The following PCDH9 variants were observed in gnomAD, a reference collection of about 807,000 sequenced individuals.
PCDH9 encodes protocadherin-9.
PCDH9 carries 24 observed loss-of-function variants against 70.6 expected under a neutral mutation model. The ratio of observed to expected loss-of-function variants is 0.34; its 90% CI spans 0.25 to 0.48. The LOEUF (loss-of-function observed/expected upper bound fraction) is 0.48. Ranked by LOEUF, PCDH9 falls within the 20% of genes least tolerant of loss-of-function variation. The pLI is 0.99. For missense variants in PCDH9, 1,281 were observed against 1,503.6 expected (o/e 0.85, Z 2.45); for synonymous variants, 562 against 558.5 (o/e 1.01, Z -0.09).
chr13:66,698,910 T>G (rs1206099652), intron 3 of PCDH9, among the ~76,000 whole-genome samples: 1 of 124,134 alleles, frequency 8.1e-6, no homozygotes, highest in East Asian at 2.8e-4. Context: ...TTTTTTTTTT[T>G]TTTTTTTGTT....
chr13:66,700,923 AATAT>A (rs58852431), intron 3 of PCDH9, among the ~76,000 whole-genome samples: 2,251 of 58,144 alleles, frequency 0.039, 44 homozygotes, highest in Non-Finnish European at 0.042. Context: ...TGTACATATA[AATAT>A]ATATATATAT....
chr13:67,018,494 C>T (rs2084607729), intron 2 of PCDH9, among the ~76,000 whole-genome samples: 1 of 151,790 alleles, frequency 6.6e-6, no homozygotes, highest in Admixed American at 6.6e-5. Context: ...TGGCGTCTGC[C>T]TGTAGTCCCA....
intron 3 of PCDH9, among the ~76,000 whole-genome samples, chr13:66,641,218 C>T (rs2077704417): frequency 6.6e-6 from 1 of 152,110 alleles, no homozygotes; most frequent in African/African-American, 2.4e-5. Flanking sequence ...AGCCATCAGT[C>T]ACATCTTTTT....
chr13:67,230,049 C>A lies in PCDH9; in HGVS notation c.-405G>T, dbSNP rs554107464. On this transcript the variant is annotated 5_prime_UTR_variant, in exon 1 of 5. Transcript: ENST00000377865. Reference sequence around the variant, plus strand: ...TCTTCTGGGCATTTAGCACACACAACACATAGTTGCACTTCTTCAGCTCAG... The same window carrying A: ...TCTTCTGGGCATTTAGCACACACAAAACATAGTTGCACTTCTTCAGCTCAG... 6.6e-5 allele frequency: 10 copies of A among 152,450 alleles called. No homozygotes were observed. Among genetic ancestry groups the A allele is most frequent in the African/African-American group, 2.4e-4 (10 of 41,576 alleles). 9.4% of individuals were successfully genotyped at this position (152,450 alleles called of 1,614,324 possible).
chr13:66,421,101 G>A (rs900861739), intron 4 of PCDH9, among the ~76,000 whole-genome samples: 1 of 151,414 alleles, frequency 6.6e-6, no homozygotes, highest in Admixed American at 6.6e-5. Flanking sequence ...TTAACTTAAT[G>A]AAATAAAGTG....
chr13:67,144,532 T>C (rs574882919), intron 2 of PCDH9, among the ~76,000 whole-genome samples: 1 of 152,274 alleles, frequency 6.6e-6, no homozygotes, highest in Non-Finnish European at 1.5e-5. Context: ...AACAAGTACA[T>C]GAATTAAATG....
intron 2 of PCDH9, among the ~76,000 whole-genome samples, chr13:67,152,082 A>T (rs1033438965): frequency 2.0e-5 from 3 of 152,220 alleles, no homozygotes; most frequent in Admixed American, 6.5e-5. Context: ...TAGCTGAAGA[A>T]CTTACAAGAC....
intron 2 of PCDH9, among the ~76,000 whole-genome samples, chr13:66,935,071 AAT>A (rs1328452375): frequency 6.6e-6 from 1 of 151,482 alleles, no homozygotes; most frequent in Non-Finnish European, 1.5e-5. Context: ...ATTAATTATT[AAT>A]ATTTTTTGGA....
intron 4 of PCDH9, among the ~76,000 whole-genome samples, chr13:66,316,399 G>T (rs1304008492): frequency 1.3e-5 from 2 of 152,274 alleles, no homozygotes; most frequent in African/African-American, 4.8e-5. Flanking sequence ...AATCACACCT[G>T]GGTGAAAGCC....
At chr13:66,336,029 T>TAAAG (rs1443346412) in intron 4 of PCDH9, among the ~76,000 whole-genome samples, 2 of 152,106 alleles carry the variant, frequency 1.3e-5, no homozygotes, top group East Asian at 3.9e-4. Context: ...TGGCCCCTTC[T>TAAAG]AAAGATAAGC....
intron 3 of PCDH9, among the ~76,000 whole-genome samples, chr13:66,802,471 G>T (rs1465825246): frequency 2.0e-5 from 3 of 151,982 alleles, no homozygotes; most frequent in African/African-American, 7.2e-5. Context: ...TGTAATAAAT[G>T]TTATTATAAT....
intron 2 of PCDH9, among the ~76,000 whole-genome samples, chr13:67,130,887 G>A (rs1046840202): frequency 5.3e-5 from 8 of 152,078 alleles, no homozygotes; most frequent in Non-Finnish European, 1.0e-4. Context: ...TGCATTTGCC[G>A]TTGAGCCCCC....
At chr13:67,049,409 G>A (rs1251918751) in intron 2 of PCDH9, among the ~76,000 whole-genome samples, 1 of 152,024 alleles carries the variant, frequency 6.6e-6, no homozygotes, top group Non-Finnish European at 1.5e-5. Context: ...ATAACAATAG[G>A]GATAAAACCT....
chr13:66,728,459 C>A (rs1408065163), intron 3 of PCDH9, among the ~76,000 whole-genome samples: 1 of 152,028 alleles, frequency 6.6e-6, no homozygotes, highest in African/African-American at 2.4e-5. Flanking sequence ...TAGTGCTGAC[C>A]ATAATTATTA....
rs1049657146 is a variant in PCDH9 at position 66,665,994 on chromosome 13, C to G, written c.3139-34583G>C. Among the ~76,000 whole-genome samples, 3 of 152,130 alleles carry G rather than the reference C, an allele frequency of 2.0e-5. No homozygotes were observed. In the East Asian group the frequency reaches 5.8e-4, roughly 29 times the overall value. ...TCTCCTTCAGGCCCATTTCTGAGAC[C>G]TTGGGTGAAACTCAAGAGAATACAG... On this transcript the variant is annotated intron_variant, in intron 3 of 4. Transcript: ENST00000377865.
At chr13:67,130,129 G>T (rs1323680782) in intron 2 of PCDH9, among the ~76,000 whole-genome samples, 1 of 152,092 alleles carries the variant, frequency 6.6e-6, no homozygotes, top group African/African-American at 2.4e-5. Flanking sequence ...AAACCTTGGT[G>T]CCTACCAGAC....
chr13:66,957,134 T>G (rs1026327350), intron 2 of PCDH9, among the ~76,000 whole-genome samples: 32 of 152,212 alleles, frequency 2.1e-4, no homozygotes, highest in African/African-American at 6.5e-4. Flanking sequence ...GTGTGCTGAC[T>G]AAAGTAGCTT....
chr13:67,171,095 T>A (rs900955120), intron 2 of PCDH9, among the ~76,000 whole-genome samples: 1 of 152,206 alleles, frequency 6.6e-6, no homozygotes, highest in Non-Finnish European at 1.5e-5. Flanking sequence ...AAACATAGCA[T>A]ACCGAAATCC....
At chr13:66,959,001 T>G (rs1005423284) in intron 2 of PCDH9, among the ~76,000 whole-genome samples, 3 of 152,246 alleles carry the variant, frequency 2.0e-5, no homozygotes, top group African/African-American at 7.2e-5. Flanking sequence ...CCACTTTTAG[T>G]ACTTCAGTTT....
Sources: allele counts gnomAD v4.1 joint callset (sites outside exome capture counted in the v4.1 genomes callset), GRCh38; gene constraint gnomAD v4.1.1; transcripts MANE v1.5; gene names NCBI Gene and HGNC (gene_info 2026-07-23, HGNC 2026-07-21).